Variants in FOXP1 observed in about 807,000 individuals in gnomAD.
The protein encoded by FOXP1 is forkhead box P1, also known as forkhead box protein P1.
Under a neutral mutation model 98.2 loss-of-function variants are expected in FOXP1, and 15 were observed. The observed-to-expected ratio is 0.15, with a 90% CI of 0.10 to 0.24. The LOEUF is 0.24. Among genes scored for constraint, FOXP1 ranks in the 10% least tolerant of loss-of-function variants. The pLI, the probability that FOXP1 is intolerant of heterozygous loss-of-function variation, is 1.00. For missense variants in FOXP1, 633 were observed against 848.5 expected (o/e 0.75, Z 3.15); for synonymous variants, 371 against 314.5 (o/e 1.18, Z -1.90).
At chr3:71,162,304 C>T (rs1330207176) in intron 6 of FOXP1, among the ~76,000 whole-genome samples, 2 of 152,172 alleles carry the variant, frequency 1.3e-5, no homozygotes, top group African/African-American at 2.4e-5. Context: ...CTAACTGAAA[C>T]CTGGCCAAAA....
At chr3:71,096,676 T>C (rs1397797254) in intron 7 of FOXP1, among the ~76,000 whole-genome samples, 2 of 152,216 alleles carry the variant, frequency 1.3e-5, no homozygotes, top group African/African-American at 4.8e-5. Flanking sequence ...TGTAGATCTA[T>C]ATAACCAGTA....
At chr3:71,384,586 G>C (rs906995668) in intron 3 of FOXP1, among the ~76,000 whole-genome samples, 3 of 152,148 alleles carry the variant, frequency 2.0e-5, no homozygotes, top group African/African-American at 7.2e-5. Context: ...TCAGTAATGT[G>C]GCCAATTGGA....
chr3:71,239,117 G>C (rs1560168166), intron 5 of FOXP1, among the ~76,000 whole-genome samples: 1 of 152,112 alleles, frequency 6.6e-6, no homozygotes, highest in Non-Finnish European at 1.5e-5. Context: ...TTCACAGTGG[G>C]AATATGTGAT....
At chr3:71,031,242 T>C (rs1176991769) in intron 11 of FOXP1, among the ~76,000 whole-genome samples, 3 of 151,974 alleles carry the variant, frequency 2.0e-5, no homozygotes, top group Non-Finnish European at 1.5e-5. Context: ...AAAAAAGCAA[T>C]GGAGAGAAAG....
chr3:71,352,571 G>T (rs1174237043), intron 4 of FOXP1, among the ~76,000 whole-genome samples: 3 of 151,524 alleles, frequency 2.0e-5, no homozygotes, highest in Non-Finnish European at 4.4e-5. Flanking sequence ...CTCTGGGTGA[G>T]TCATTTAACT....
At position 71,041,660 on chromosome 3, in the gene FOXP1, T is replaced by C. The variant is rs2048356447; in HGVS notation, c.665-128A>G. On this transcript the variant is annotated intron_variant, in intron 10 of 20. Transcript: ENST00000649528. ...GGGGTTTTTCGGTGTGTGCAGTTTT[T>C]TTTCCCCTCCCAACTACGGCAGATG... 32 of 864,176 alleles carry C rather than the reference T, an allele frequency of 3.7e-5. No homozygotes were observed. In the South Asian group the frequency reaches 4.6e-4, roughly 12 times the overall value. The allele number at this position is 864,176 out of a possible 1,614,324, so 53.5% of individuals were successfully genotyped here. A position where few individuals can be genotyped will look rare whatever the true frequency, so the allele number is the denominator to read the frequency against.
chr3:70,962,702 C>A (rs2033829467), intron 20 of FOXP1, among the ~76,000 whole-genome samples: 1 of 152,214 alleles, frequency 6.6e-6, no homozygotes, highest in East Asian at 1.9e-4. Flanking sequence ...ACTTTCTTAA[C>A]TATCAGGTCT....
chr3:71,214,068 G>A (rs2064722206), intron 5 of FOXP1, among the ~76,000 whole-genome samples: 1 of 151,358 alleles, frequency 6.6e-6, no homozygotes, highest in Non-Finnish European at 1.5e-5. Flanking sequence ...GAAACAGCCA[G>A]AAGCTGGTGA....
At chr3:71,583,202 C>G (rs956020430) in intron 1 of FOXP1, among the ~76,000 whole-genome samples, 1 of 152,030 alleles carries the variant, frequency 6.6e-6, no homozygotes, top group Non-Finnish European at 1.5e-5. Flanking sequence ...CGTGAAGGGG[C>G]CTACGGGCAG....
intron 5 of FOXP1, among the ~76,000 whole-genome samples, chr3:71,263,877 T>G (rs2069394051): frequency 6.6e-6 from 1 of 151,842 alleles, no homozygotes; most frequent in Non-Finnish European, 1.5e-5. Context: ...CCTGAATAGC[T>G]GAGACTACAG....
At chr3:71,075,788 C>T (rs1393131630) in intron 7 of FOXP1, among the ~76,000 whole-genome samples, 1 of 151,964 alleles carries the variant, frequency 6.6e-6, no homozygotes, top group East Asian at 1.9e-4. Flanking sequence ...AATTATGACT[C>T]ACTGCAGCCT....
intron 14 of FOXP1, among the ~76,000 whole-genome samples, chr3:70,980,483 A>ATACTT (rs1360191573): frequency 6.6e-6 from 1 of 152,208 alleles, no homozygotes; most frequent in Non-Finnish European, 1.5e-5. Flanking sequence ...GTTATTACTC[A>ATACTT]TACTTTACAG....
At chr3:71,232,885 A>AAAAAAAAAAAAAAAAAAAAAAAAAAAAC (rs2066428411) in intron 5 of FOXP1, among the ~76,000 whole-genome samples, 1 of 145,700 alleles carries the variant, frequency 6.9e-6, no homozygotes, top group Non-Finnish European at 1.5e-5. Flanking sequence ...CTCAAAAAAA[A>AAAAAAAAAAAAAAAAAAAAAAAAAAAAC]AAAAAAAAAA....
intron 4 of FOXP1, among the ~76,000 whole-genome samples, chr3:71,340,282 T>G (rs912737536): frequency 1.3e-4 from 20 of 152,372 alleles, no homozygotes; most frequent in Middle Eastern, 3.4e-3. Context: ...TATATGTATT[T>G]GTGCAGAAAC....
intron 4 of FOXP1, among the ~76,000 whole-genome samples, chr3:71,340,079 T>G (rs1286727673): frequency 6.6e-6 from 1 of 152,208 alleles, no homozygotes; most frequent in Admixed American, 6.5e-5. Flanking sequence ...AAGTATCTTT[T>G]GATGCATATG....
chr3:71,047,150 A>G, intron 9 of FOXP1, 55 bp from the exon 10 acceptor site: 1 of 1,598,712 alleles, frequency 6.3e-7, no homozygotes, highest in Non-Finnish European at 8.6e-7. Context: ...GAAGGTTAAA[A>G]GTATGGACAC....
chr3:71,049,983 C>CT (rs1043598520), intron 9 of FOXP1, among the ~76,000 whole-genome samples: 1 of 152,194 alleles, frequency 6.6e-6, no homozygotes, highest in Admixed American at 6.5e-5. Context: ...AGCAACCTAT[C>CT]TCCTGGGTCA....
chr3:71,472,134 T>TG (rs2089419027), intron 3 of FOXP1, among the ~76,000 whole-genome samples: 1 of 152,178 alleles, frequency 6.6e-6, no homozygotes. Flanking sequence ...ATATTTTTGT[T>TG]GGGGGAGGAG....
intron 2 of FOXP1, among the ~76,000 whole-genome samples, chr3:71,557,112 A>C (rs1465914089): frequency 6.6e-6 from 1 of 152,226 alleles, no homozygotes; most frequent in Non-Finnish European, 1.5e-5. Context: ...ATACACAAAA[A>C]TGTCAATAGC....
Sources: allele counts gnomAD v4.1 joint callset (sites outside exome capture counted in the v4.1 genomes callset), GRCh38; gene constraint gnomAD v4.1.1; transcripts MANE v1.5; gene names NCBI Gene and HGNC (gene_info 2026-07-23, HGNC 2026-07-21).